The following ACE variants were observed in gnomAD, a reference collection of about 807,000 sequenced individuals.
ACE encodes the protein angiotensin-converting enzyme.
ACE carries 122 observed loss-of-function variants against 162.3 expected under a neutral mutation model. The observed-to-expected ratio is 0.75, with a 90% CI of 0.65 to 0.87. The LOEUF (loss-of-function observed/expected upper bound fraction) is 0.87, where lower values mean the gene tolerates loss of function less well. Ranked by LOEUF, ACE falls within the 40% of genes least tolerant of loss-of-function variation. ACE has a pLI of 0.00. For missense variants in ACE, 1,799 were observed against 1,735.1 expected (o/e 1.04, Z -0.65); for synonymous variants, 796 against 720.6 (o/e 1.10, Z -1.68).
At position 63,491,491 on chromosome 17, in the gene ACE, G is replaced by A; in HGVS notation, c.2912+110G>A. ...CAGCTGGAGCCAGCAGGGCAGGATG[G>A]GGACAGGGCCAGAGTTTGGGACTGA... On this transcript the variant is annotated intron_variant, in intron 19 of 24. Transcript: ENST00000290866. This position sits in a 1 kb window ranked among gnomAD's most constrained non-coding sequence, Gnocchi z 4.4. 1 of 1,436,826 alleles carries A rather than the reference G, an allele frequency of 7.0e-7. No individual in the cohort carries two copies. Among genetic ancestry groups the A allele is most frequent in the Non-Finnish European group, 9.7e-7 (1 of 1,033,408 alleles). 89.0% of individuals were successfully genotyped at this position (1,436,826 alleles called of 1,614,324 possible).
rs563565770 is a variant in ACE, at chr17:63,478,770, C to T, written c.418-237C>T. On this transcript the variant is annotated intron_variant, in intron 2 of 24. Coordinates refer to ENST00000290866, the MANE Select transcript of ACE (RefSeq NM_000789.4). ...GGGTGGTGCCAAGCTGGGACTTGAC[C>T]CTGACCCTGACTTTCAGGACTCCTG... is the stretch of plus-strand genomic sequence containing the variant. The T allele has an allele frequency of 2.9e-5, 17 of 594,998 alleles. No individual in the cohort carries two copies. The African/African-American group carries it at 3.1e-4, about 11-fold the overall frequency. The allele number at this position is 594,998 out of a possible 1,614,324, so 36.9% of individuals were successfully genotyped here. A position where few individuals can be genotyped will look rare whatever the true frequency, so the allele number is the denominator to read the frequency against.
At position 63,485,366 on chromosome 17, in the gene ACE, G is replaced by C. The variant is rs1453772021; in HGVS notation, c.2052G>C (p.Lys684Asn). ...YNTNITTETSKILLQKNMQIA... is the reference protein window; with the variant it reads ...YNTNITTETSNILLQKNMQIA... ...CCAACATCACCACAGAGACCAGCAA[G>C]ATTCTGGTGGGAGCCACCTCCCCAC... The change falls in exon 13 of 25, where the codon AAG (lysine) becomes AAC (asparagine). Residue 684 changes from lysine to asparagine, a missense_variant. Lys to Asn is a moderately conservative substitution (Grantham distance 94). Coordinates refer to ENST00000290866, the MANE Select transcript of ACE (RefSeq NM_000789.4). 2.5e-6 allele frequency: 4 copies of C among 1,613,934 alleles called. No homozygotes were observed. The highest frequency in any genetic ancestry group is 3.4e-6 in the Non-Finnish European group (4 of 1,180,006).
intron 9 of ACE, 114 bp from the exon 10 acceptor site, chr17:63,483,346 C>T (rs982339413): frequency 6.8e-7 from 1 of 1,470,442 alleles, no homozygotes; most frequent in Non-Finnish European, 9.5e-7. Context: ...GGAAGTCTTC[C>T]CCAGTTCCTC....
intron 4 of ACE, 128 bp from the exon 5 acceptor site, chr17:63,480,209 C>A (rs2049683253): frequency 9.3e-7 from 1 of 1,074,098 alleles, no homozygotes; most frequent in South Asian, 1.3e-5. Context: ...GAGTGGCAAC[C>A]CCCAAGCCAA....
rs376986357 is a variant in ACE, at chr17:63,479,841, C to G, written c.584C>G (p.Ala195Gly). The G allele has an allele frequency of 1.2e-6, 2 of 1,613,236 alleles. No individual in the cohort carries two copies. Among genetic ancestry groups the G allele is most frequent in the South Asian group, 1.1e-5 (1 of 91,092 alleles). The stretch of plus-strand genomic sequence containing the variant: ...TTTGCCTGGGAGGGCTGGCACAACG[C>G]TGCGGGCATCCCGCTGAAACCGCTG... ...LLFAWEGWHN[A>G]AGIPLKPLYE... Residue 195 changes from alanine (A) to glycine (G), a missense_variant, in exon 4 of 25, where the codon GCT becomes GGT. Ala to Gly is a moderately conservative substitution (Grantham distance 60). Transcript: ENST00000290866.
intron 12 of ACE, 102 bp from the exon 13 acceptor site, chr17:63,485,134 A>T (rs1421136161): frequency 6.3e-7 from 1 of 1,582,532 alleles, no homozygotes; most frequent in Admixed American, 1.8e-5. Flanking sequence ...GGGACAGGGC[A>T]GGGTACAAGG....
In ACE at chr17:63,482,561, C is replaced by G. The variant is rs766454164; in HGVS notation, c.1214C>G (p.Pro405Arg). ...IQYYLQYKDLPVSLRRGANPG... is the reference protein window; with the variant it reads ...IQYYLQYKDLRVSLRRGANPG... The stretch of plus-strand genomic sequence containing the variant: ...TACTACCTGCAGTACAAGGATCTGC[C>G]CGTCTCCCTGCGTCGGGGGGCCAAC... Residue 405 changes from proline (P) to arginine (R), a missense_variant, in exon 8 of 25, where the codon CCC becomes CGC. By Grantham distance (103) the Pro-to-Arg change is moderately radical (BLOSUM62 -2). Coordinates refer to ENST00000290866, the MANE Select transcript of ACE (RefSeq NM_000789.4). The G allele has an allele frequency of 2.5e-6, 4 of 1,613,982 alleles. No homozygotes were observed. Among genetic ancestry groups the G allele is most frequent in the African/African-American group, 2.7e-5 (2 of 74,922 alleles).
rs767634461 is a variant in ACE, at chr17:63,481,134, G to A, written c.891G>A (p.Val297=). 1.2e-6 allele frequency: 2 copies of A among 1,613,972 alleles called. No homozygotes were observed. The highest frequency in any genetic ancestry group is 1.7e-6 in the Non-Finnish European group (2 of 1,179,984). The change falls in exon 6 of 25, where the codon GTG becomes GTA. Residue 297 remains valine, a synonymous_variant. Transcript: ENST00000290866. ...AQSWENIYDM[V]VPFPDKPNLD... is the part of the protein sequence containing the mutation. ...GCTGGGAAAACATCTACGACATGGT[G>A]GTGCCTTTCCCAGACAAGCCCAACC... is the stretch of plus-strand genomic sequence containing the variant.
chr17:63,480,590 G>C, intron 5 of ACE, 62 bp downstream of exon 5: 1 of 1,581,416 alleles, frequency 6.3e-7, no homozygotes, highest in Non-Finnish European at 8.7e-7. Context: ...AGGTAGGGGT[G>C]GGGGATGTCC....
At position 63,484,361 on chromosome 17, in the gene ACE, T is replaced by TG. The variant is rs1568039403; in HGVS notation, c.1743dup (p.Gln582AlafsTer53). 6.2e-7 allele frequency: 1 copy of TG among 1,611,374 alleles called. No individual in the cohort carries two copies. On this transcript the variant is annotated frameshift_variant, in exon 12 of 25. Transcript: ENST00000290866. LOFTEE classifies it high-confidence loss of function. This position sits in a 1 kb window ranked among gnomAD's most constrained non-coding sequence, Gnocchi z 4.0. ...GCTGCAGGCTGGCTCCTCCAGGCCCTGGCAGGAGGTGCTGAAGGACATGGT... is the reference window on the plus strand; with the variant it reads ...GCTGCAGGCTGGCTCCTCCAGGCCCTGGGCAGGAGGTGCTGAAGGACATGGT...
Position 63,496,411 on chromosome 17 carries a change from T to G in ACE, c.3398T>G (p.Ile1133Ser). The part of the protein sequence containing the change: ...VPYIRYFVSF[I>S]IQFQFHEALC... ...TGCTCCAGGTACTTTGTCAGCTTCA[T>G]CATCCAGTTCCAGTTCCACGAGGCA... is the stretch of plus-strand genomic sequence containing the variant. The change falls in exon 23 of 25, where the codon ATC (isoleucine) becomes AGC (serine). Residue 1133 changes from isoleucine (I) to serine (S), a missense_variant. Ile to Ser is a moderately radical substitution (Grantham distance 142). Coordinates refer to ENST00000290866, the MANE Select transcript of ACE (RefSeq NM_000789.4). 1 of 1,614,192 alleles carries G rather than the reference T, an allele frequency of 6.2e-7. No homozygotes were observed.
intron 13 of ACE, 198 bp downstream of exon 13, chr17:63,485,570 G>A (rs746136419): frequency 4.5e-6 from 3 of 672,500 alleles, no homozygotes; most frequent in African/African-American, 1.8e-5. Flanking sequence ...CACGAGGTCA[G>A]ATCAAGACCA....
chr17:63,479,172 T>C (rs1329821842), intron 3 of ACE, 72 bp downstream of exon 3: 1 of 1,231,690 alleles, frequency 8.1e-7, no homozygotes, highest in Non-Finnish European at 1.2e-6. Flanking sequence ...CTCCAGACCA[T>C]GCAGTTGTGT....
rs764161560 is a variant in ACE, at chr17:63,488,925, T to A, written c.2450-16T>A. 20 of 1,614,016 alleles carry A rather than the reference T, an allele frequency of 1.2e-5. No homozygotes were observed. The East Asian group carries it at 1.3e-4, about 11-fold the overall frequency. On this transcript the variant is annotated splice_polypyrimidine_tract_variant and intron_variant, in intron 16 of 24. Transcript: ENST00000290866. ...TAATGTGGTGTTGGGAGAGCCTGGCTGTGTCCCCTCTGTAGGCTATGTAGA... is the reference window on the plus strand; with the variant it reads ...TAATGTGGTGTTGGGAGAGCCTGGCAGTGTCCCCTCTGTAGGCTATGTAGA...
rs751371256 is a variant in ACE at position 63,479,825 on chromosome 17, G to C, written c.568G>C (p.Glu190Gln). Residue 190 changes from glutamate (E) to glutamine (Q), a missense_variant, in exon 4 of 25, where the codon GAG (glutamate) becomes CAG (glutamine). Transcript: ENST00000290866. Reference protein sequence around the residue: ...RSYAMLLFAWEGWHNAAGIPL... With the variant: ...RSYAMLLFAWQGWHNAAGIPL... ...CTACGCCATGCTCCTGTTTGCCTGG[G>C]AGGGCTGGCACAACGCTGCGGGCAT... 5.0e-6 allele frequency: 8 copies of C among 1,613,396 alleles called. No homozygotes were observed. In the East Asian group the frequency reaches 1.1e-4, roughly 22 times the overall value.
intron 13 of ACE, 86 bp downstream of exon 13, chr17:63,485,458 C>G (rs188630865): frequency 7.7e-6 from 12 of 1,565,870 alleles, no homozygotes; most frequent in Admixed American, 5.1e-5. Flanking sequence ...GGGGCTGCCA[C>G]CACATTTTAA....
chr17:63,488,201 T>C (rs2030094492), intron 15 of ACE, among the ~76,000 whole-genome samples: 1 of 151,610 alleles, frequency 6.6e-6, no homozygotes, highest in Non-Finnish European at 1.5e-5. Flanking sequence ...ACAAATAAAA[T>C]ACAAAAAATT....
chr17:63,496,595 T>A, intron 23 of ACE, 79 bp downstream of exon 23: 1 of 1,610,470 alleles, frequency 6.2e-7, no homozygotes, highest in Non-Finnish European at 8.5e-7. Flanking sequence ...CCACTGGAGC[T>A]TTTGTGGGAA....
At chr17:63,477,515 C>A in intron 1 of ACE, 172 bp downstream of exon 1, 1 of 356,228 alleles carries the variant, frequency 2.8e-6, no homozygotes, top group Non-Finnish European at 4.1e-6. Flanking sequence ...GCGCGCACGG[C>A]CTGCGCTCCC....
Sources: gnomAD v4.1 joint callset for allele counts (sites outside exome capture counted in the v4.1 genomes callset) on GRCh38, gnomAD v4.1.1 for gene constraint, Gnocchi (gnomAD v3.1) non-coding constraint, MANE v1.5 for transcripts, NCBI Gene and HGNC (gene_info 2026-07-23, HGNC 2026-07-21) for gene names.